Variants in ANKMY1 observed in about 807,000 individuals in gnomAD.
ANKMY1 encodes the protein ankyrin repeat and MYND domain-containing protein 1.
ANKMY1 carries 98 observed loss-of-function variants against 102.0 expected under a neutral mutation model. The observed-to-expected ratio is 0.96, with a 90% CI of 0.82 to 1.14. ANKMY1 has a LOEUF of 1.14. ANKMY1 is among the 50% of genes most tolerant of loss of function. The pLI is 0.00. For missense variants in ANKMY1, 1,330 were observed against 1,347.6 expected (o/e 0.99, Z 0.20); for synonymous variants, 582 against 559.9 (o/e 1.04, Z -0.56).
chr2:240,477,679 C>T (rs1177112206), downstream of ANKMY1, among the ~76,000 whole-genome samples: 2 of 152,302 alleles, frequency 1.3e-5, no homozygotes, highest in East Asian at 1.9e-4. Flanking sequence ...ATGCCACCTC[C>T]CCCAGTTATT....
chr2:240,473,137 A>AC, the ANKMY1 span, among the ~76,000 whole-genome samples: 3 of 150,688 alleles, frequency 2.0e-5, no homozygotes, highest in Non-Finnish European at 3.0e-5. Context: ...AAAAAAAAAA[A>AC]AACAAAAAAA....
At position 240,529,727 on chromosome 2, in the gene ANKMY1, C is replaced by T. The variant is rs956584661; in HGVS notation, c.481-218G>A. Among the ~76,000 whole-genome samples the T allele has an allele frequency of 1.3e-5, 2 of 152,096 alleles. No individual in the cohort carries two copies. Among genetic ancestry groups the T allele is most frequent in the Non-Finnish European group, 2.9e-5 (2 of 68,014 alleles). On this transcript the variant is annotated intron_variant, in intron 4 of 17. Transcript: ENST00000401804. This position sits in a 1 kb window ranked among gnomAD's most constrained non-coding sequence, Gnocchi z 4.2. The stretch of plus-strand genomic sequence containing the variant: ...AGGAAGGAGGGCACTCCAGAGAGTG[C>T]ATGGAGGGGCAAGGGGGCAGCCAGG...
chr2:240,525,730 C>A lies in ANKMY1; in HGVS notation c.1290G>T (p.Gln430His). ...GTTCAGCAACATTGGGCTTGAAGGA[C>A]TGGGCGGGGTAGTGGAGGAGGAAAC... is the stretch of plus-strand genomic sequence containing the variant. ...SMCFLLHYPA[Q>H]SFKPNVAERT... is the part of the protein sequence containing the mutation. The change falls in exon 7 of 18, where the codon CAG (glutamine) becomes CAT (histidine). Residue 430 changes from glutamine (Q) to histidine (H), a missense_variant. Physicochemically the swap from Gln to His is conservative, Grantham distance 24. Transcript: ENST00000401804. 1 of 1,614,098 alleles carries A rather than the reference C, an allele frequency of 6.2e-7. No individual in the cohort carries two copies. The highest frequency in any genetic ancestry group is 8.5e-7 in the Non-Finnish European group (1 of 1,180,010).
chr2:240,475,954 T>C (rs1396222096), downstream of ANKMY1, among the ~76,000 whole-genome samples: 1 of 152,212 alleles, frequency 6.6e-6, no homozygotes, highest in African/African-American at 2.4e-5. Flanking sequence ...ATGCAATGTC[T>C]ATCAAAATTC....
At chr2:240,489,282 C>T (rs2076379341) in intron 15 of ANKMY1, among the ~76,000 whole-genome samples, 2 of 151,808 alleles carry the variant, frequency 1.3e-5, no homozygotes, top group Admixed American at 6.6e-5. Context: ...GGCAAAACCC[C>T]GTCTCTACTA....
intron 13 of ANKMY1, among the ~76,000 whole-genome samples, chr2:240,504,747 C>T (rs1184023507): frequency 2.0e-5 from 3 of 152,202 alleles, no homozygotes; most frequent in Non-Finnish European, 4.4e-5. Context: ...TGGCTCACGC[C>T]TGTAATCCCA....
chr2:240,558,008 T>A, upstream of ANKMY1: 1 of 981,974 alleles, frequency 1.0e-6, no homozygotes, highest in Non-Finnish European at 1.2e-6. Context: ...CGCGTTTCCC[T>A]GGAGACAGCC....
rs1416539395 is a variant in ANKMY1 at position 240,520,774 on chromosome 2, TCA to T, written c.1833-243_1833-242del. Among the ~76,000 whole-genome samples, 3 of 112,870 alleles carry T rather than the reference TCA, an allele frequency of 2.7e-5. No individual in the cohort carries two copies. Among genetic ancestry groups the T allele is most frequent in the African/African-American group, 1.1e-4 (3 of 27,884 alleles). 74.0% of individuals were successfully genotyped at this position (112,870 alleles called of 152,430 possible). ...ACACACAGCACACCACACAGCACAC[TCA>T]CAACCACACCCACAGCACACCACAC... On this transcript the variant is annotated intron_variant, in intron 8 of 17. Transcript: ENST00000401804. The surrounding 1 kb of genome is among the most constrained non-coding windows in gnomAD (Gnocchi z 4.8).
At chr2:240,507,051 T>C (rs2079199155) in intron 13 of ANKMY1, among the ~76,000 whole-genome samples, 1 of 152,142 alleles carries the variant, frequency 6.6e-6, no homozygotes, top group Non-Finnish European at 1.5e-5. Flanking sequence ...GTGAGGTCTA[T>C]GTCTATCCTG....
intron 10 of ANKMY1, 32 bp downstream of exon 10, chr2:240,512,770 C>T (rs1467929815): frequency 1.3e-6 from 2 of 1,594,346 alleles, no homozygotes; most frequent in Admixed American, 1.7e-5. Flanking sequence ...GGCCAAGGCC[C>T]CATACCCCTA....
At position 240,499,735 on chromosome 2, in the gene ANKMY1, C is replaced by A. The variant is rs1186540307; in HGVS notation, c.2806+223G>T. Reference sequence around the variant, plus strand: ...CTGGGCCCTGGCCCTAGGCCACCAACTCCTCTTCCCAGGGACATCTCCCCA... The same window carrying A: ...CTGGGCCCTGGCCCTAGGCCACCAAATCCTCTTCCCAGGGACATCTCCCCA... On this transcript the variant is annotated intron_variant, in intron 15 of 17. Transcript: ENST00000401804. This position sits in a 1 kb window ranked among gnomAD's most constrained non-coding sequence, Gnocchi z 4.2. Among the ~76,000 whole-genome samples, 2 of 152,098 alleles carry A rather than the reference C, an allele frequency of 1.3e-5. No homozygotes were observed. Among genetic ancestry groups the A allele is most frequent in the Non-Finnish European group, 1.5e-5 (1 of 67,986 alleles).
chr2:240,517,948 A>G (rs2081476826), intron 9 of ANKMY1, among the ~76,000 whole-genome samples: 7 of 152,186 alleles, frequency 4.6e-5, no homozygotes, highest in Admixed American at 4.6e-4. Context: ...GCATTTTAGA[A>G]AAAAACTCTA....
chr2:240,498,186 T>TG (rs1012692307), intron 15 of ANKMY1, among the ~76,000 whole-genome samples: 51 of 132,416 alleles, frequency 3.9e-4, no homozygotes, highest in East Asian at 2.8e-3. Context: ...ATGTTTGTGT[T>TG]GGGGGGGGAC....
At chr2:240,505,865 A>G (rs1378542302) in intron 13 of ANKMY1, among the ~76,000 whole-genome samples, 3 of 152,216 alleles carry the variant, frequency 2.0e-5, no homozygotes, top group Non-Finnish European at 2.9e-5. Context: ...CAGGGCCAGG[A>G]TCACAGCAAA....
At chr2:240,558,270 G>A (rs1486719630), upstream of ANKMY1, 1 of 152,344 alleles carries the variant, frequency 6.6e-6, no homozygotes, top group African/African-American at 2.4e-5. Flanking sequence ...TGAGGAAACT[G>A]AGGCCCAAGT....
intron 4 of ANKMY1, among the ~76,000 whole-genome samples, chr2:240,538,756 A>T (rs2087692387): frequency 1.3e-5 from 2 of 152,090 alleles, no homozygotes; most frequent in African/African-American, 4.8e-5. Flanking sequence ...GGTCTTGGAG[A>T]ACTTTTGTGT....
chr2:240,488,070 T>G (rs1479537211), intron 15 of ANKMY1, among the ~76,000 whole-genome samples: 1 of 152,150 alleles, frequency 6.6e-6, no homozygotes, highest in African/African-American at 2.4e-5. Flanking sequence ...CCAGGAGAAT[T>G]TGCCCTAAAT....
chr2:240,512,873 G>A lies in ANKMY1; in HGVS notation c.2074C>T (p.Leu692=). 2 of 1,614,120 alleles carry A rather than the reference G, an allele frequency of 1.2e-6. No homozygotes were observed. The highest frequency in any genetic ancestry group is 2.7e-5 in the African/African-American group (2 of 75,064). ...ACATCGGTGATGGCATGCAACAGCA[G>A]CTCCACAATCTGTACCCCCTCCTCC... is the stretch of plus-strand genomic sequence containing the variant. ...PGEEGVQIVE[L]LLHAITDVDA... The change falls in exon 10 of 18, where the codon CTG becomes TTG. Residue 692 remains leucine (L), a synonymous_variant. Coordinates refer to ENST00000401804, the MANE Select transcript of ANKMY1 (RefSeq NM_001282771.3).
At chr2:240,530,414 A>G (rs2085053641) in intron 4 of ANKMY1, among the ~76,000 whole-genome samples, 1 of 152,112 alleles carries the variant, frequency 6.6e-6, no homozygotes, top group African/African-American at 2.4e-5. Context: ...CCCTCCTGAT[A>G]GGGCATTCTC....
Sources: gnomAD v4.1 joint callset for allele counts (sites outside exome capture counted in the v4.1 genomes callset) on GRCh38, gnomAD v4.1.1 for gene constraint, Gnocchi (gnomAD v3.1) non-coding constraint, MANE v1.5 for transcripts, NCBI Gene and HGNC (gene_info 2026-07-23, HGNC 2026-07-21) for gene names.